Variants in SLC7A1 observed in about 807,000 individuals in gnomAD.
SLC7A1 encodes the protein solute carrier family 7 member 1, also known as high affinity cationic amino acid transporter 1.
Under a neutral mutation model 53.9 loss-of-function variants are expected in SLC7A1, and 10 were observed. That is an observed-to-expected ratio of 0.19 (90% CI 0.11 to 0.31). The LOEUF is 0.31. Among genes scored for constraint, SLC7A1 ranks in the 10% least tolerant of loss-of-function variants. The pLI is 1.00. For synonymous variants in SLC7A1, 342 were observed against 338.7 expected, an observed-to-expected ratio of 1.01 and a Z score of -0.11; for missense variants, 525 against 827.2, an observed-to-expected ratio of 0.63 and a Z score of 4.48.
chr13:29,527,879 T>C (rs944573014), intron 5 of SLC7A1, among the ~76,000 whole-genome samples: 1 of 152,248 alleles, frequency 6.6e-6, no homozygotes, highest in African/African-American at 2.4e-5. Flanking sequence ...ATGGAAACTT[T>C]AATTATTTCA....
intron 5 of SLC7A1, among the ~76,000 whole-genome samples, chr13:29,528,246 C>T (rs1250167901): frequency 6.6e-6 from 1 of 152,252 alleles, no homozygotes; most frequent in Non-Finnish European, 1.5e-5. Flanking sequence ...AACTGGCAGA[C>T]ACCATCCAAC....
intron 2 of SLC7A1, among the ~76,000 whole-genome samples, chr13:29,545,437 G>T (rs112005973): frequency 3.9e-5 from 6 of 152,076 alleles, no homozygotes. Flanking sequence ...AAGGCACAAC[G>T]TCAAGGTCTC....
chr13:29,537,381 C>T (rs1271491253), intron 2 of SLC7A1, among the ~76,000 whole-genome samples: 2 of 152,196 alleles, frequency 1.3e-5, no homozygotes, highest in Non-Finnish European at 2.9e-5. Flanking sequence ...CTACAAAATA[C>T]CTGACTGGTT....
intron 1 of SLC7A1, among the ~76,000 whole-genome samples, chr13:29,592,008 A>T (rs368223176): frequency 7.2e-5 from 11 of 152,330 alleles, no homozygotes; most frequent in Admixed American, 6.5e-4. Context: ...GGCTCTCCCA[A>T]TATACAGATG....
intron 2 of SLC7A1, among the ~76,000 whole-genome samples, chr13:29,547,957 G>C (rs754643726): frequency 3.9e-5 from 6 of 152,242 alleles, no homozygotes; most frequent in Admixed American, 1.3e-4. Context: ...AATGCTGTAA[G>C]TGACAGCCAC....
chr13:29,522,020 C>T (rs895275954), intron 8 of SLC7A1, among the ~76,000 whole-genome samples: 3 of 152,190 alleles, frequency 2.0e-5, no homozygotes, highest in Non-Finnish European at 4.4e-5. Context: ...CTCAGGGAAA[C>T]GTCCAGAAAT....
chr13:29,514,682 G>A (rs1883503186), intron 12 of SLC7A1, 99 bp from the exon 13 acceptor site: 1 of 878,190 alleles, frequency 1.1e-6, no homozygotes, highest in African/African-American at 1.7e-5. Flanking sequence ...AACCCTCTCA[G>A]GCGGCCTGCC....
chr13:29,545,122 TC>T (rs1295214318), intron 2 of SLC7A1, among the ~76,000 whole-genome samples: 25 of 152,244 alleles, frequency 1.6e-4, no homozygotes, highest in African/African-American at 6.0e-4. Flanking sequence ...GGTCTTTCTA[TC>T]AAAAGAGATC....
At chr13:29,575,751 C>G (rs888164724) in intron 1 of SLC7A1, among the ~76,000 whole-genome samples, 12 of 152,156 alleles carry the variant, frequency 7.9e-5, no homozygotes, top group African/African-American at 2.2e-4. Context: ...ATTTTCAATA[C>G]AGTACAAACT....
intron 4 of SLC7A1, among the ~76,000 whole-genome samples, chr13:29,531,933 G>C (rs1387957863): frequency 2.0e-5 from 3 of 152,148 alleles, no homozygotes; most frequent in Non-Finnish European, 4.4e-5. Flanking sequence ...TAATCACAGG[G>C]AGAACACCTC....
intron 1 of SLC7A1, among the ~76,000 whole-genome samples, chr13:29,563,349 T>C (rs1242748690): frequency 6.6e-6 from 1 of 152,242 alleles, no homozygotes; most frequent in Non-Finnish European, 1.5e-5. Flanking sequence ...CAAAATGTTC[T>C]ACAAATTTAC....
At chr13:29,535,652 T>TA in intron 3 of SLC7A1, among the ~76,000 whole-genome samples, 167 bp downstream of exon 3, 1 of 152,344 alleles carries the variant, frequency 6.6e-6, no homozygotes, top group South Asian at 2.1e-4. Context: ...TTTAAAAACC[T>TA]ACTAAAAGAA....
At chr13:29,574,804 C>T (rs535204885) in intron 1 of SLC7A1, among the ~76,000 whole-genome samples, 1 of 152,192 alleles carries the variant, frequency 6.6e-6, no homozygotes, top group African/African-American at 2.4e-5. Context: ...GCCACCATGA[C>T]TGGCTAATTT....
chr13:29,571,204 T>A (rs1412360333), intron 1 of SLC7A1, among the ~76,000 whole-genome samples: 3 of 152,216 alleles, frequency 2.0e-5, no homozygotes, highest in Admixed American at 6.5e-5. Context: ...TATACAAATA[T>A]ACAGTTTAAA....
intron 2 of SLC7A1, among the ~76,000 whole-genome samples, chr13:29,550,029 A>G (rs374143623): frequency 6.6e-6 from 1 of 152,166 alleles, no homozygotes; most frequent in South Asian, 2.1e-4. Context: ...GCCCCAAATA[A>G]TATTCTCTGC....
intron 3 of SLC7A1, among the ~76,000 whole-genome samples, 167 bp downstream of exon 3, chr13:29,535,652 T>A (rs1243669504): frequency 1.3e-5 from 2 of 152,226 alleles, no homozygotes; most frequent in Non-Finnish European, 2.9e-5. Context: ...TTTAAAAACC[T>A]ACTAAAAGAA....
chr13:29,515,165 C>A (rs1883518509), intron 12 of SLC7A1, among the ~76,000 whole-genome samples: 1 of 152,244 alleles, frequency 6.6e-6, no homozygotes, highest in Non-Finnish European at 1.5e-5. Context: ...CCTTGTGTGG[C>A]TGACACAGGA....
chr13:29,518,632 T>G (rs923113683), intron 9 of SLC7A1, among the ~76,000 whole-genome samples: 1 of 152,160 alleles, frequency 6.6e-6, no homozygotes. Context: ...CCCAATAGTC[T>G]TAGCTGATTC....
chr13:29,580,905 CAGGG>C (rs1325293181), intron 1 of SLC7A1, among the ~76,000 whole-genome samples: 1 of 151,822 alleles, frequency 6.6e-6, no homozygotes, highest in African/African-American at 2.4e-5. Flanking sequence ...CCCAAAGTCA[CAGGG>C]TAAACTGCAA....
Sources: gnomAD v4.1 joint callset for allele counts (sites outside exome capture counted in the v4.1 genomes callset) on GRCh38, gnomAD v4.1.1 for gene constraint, MANE v1.5 for transcripts, NCBI Gene and HGNC (gene_info 2026-07-23, HGNC 2026-07-21) for gene names.